MYO5A: variants seen among roughly 807,000 people sequenced by gnomAD.
MYO5A encodes myosin VA.
A neutral mutation model predicts 249.7 loss-of-function variants in MYO5A; 98 were observed. The ratio of observed to expected loss-of-function variants is 0.39; its 90% CI spans 0.33 to 0.46. The LOEUF (loss-of-function observed/expected upper bound fraction) is 0.46, where lower values mean the gene tolerates loss of function less well. Among genes scored for constraint, MYO5A ranks in the 20% least tolerant of loss-of-function variants. The probability of loss-of-function intolerance (pLI) is 0.98; values close to 1 mark genes in which losing one functional copy is unlikely to be tolerated. For missense variants in MYO5A, 1,696 were observed against 2,308.8 expected, an observed-to-expected ratio of 0.73 and a Z score of 5.44; for synonymous variants, 778 against 810.6, an observed-to-expected ratio of 0.96 and a Z score of 0.68.
chr15:52,501,377 A>T (rs533615623), intron 1 of MYO5A, among the ~76,000 whole-genome samples: 1 of 152,068 alleles, frequency 6.6e-6, no homozygotes, highest in Admixed American at 6.6e-5. Flanking sequence ...AGGAGGGAGG[A>T]TCGCTTGAGC....
chr15:52,519,907 T>C (rs1270842035), intron 1 of MYO5A, among the ~76,000 whole-genome samples: 1 of 152,070 alleles, frequency 6.6e-6, no homozygotes, highest in Non-Finnish European at 1.5e-5. Flanking sequence ...ATTTTTGTAT[T>C]TTTAGTAGAG....
intron 1 of MYO5A, among the ~76,000 whole-genome samples, chr15:52,480,469 C>T (rs2076692212): frequency 6.6e-6 from 1 of 152,212 alleles, no homozygotes; most frequent in South Asian, 2.1e-4. Context: ...AAAACTAGAG[C>T]TCCAAGAACA....
At chr15:52,450,550 T>C (rs2141370576) in intron 1 of MYO5A, among the ~76,000 whole-genome samples, 1 of 151,484 alleles carries the variant, frequency 6.6e-6, no homozygotes, top group Non-Finnish European at 1.5e-5. Context: ...ACGCCTGTAG[T>C]CCCAGCTACT....
At position 52,452,838 on chromosome 15, in the gene MYO5A, A is replaced by G. The variant is rs111755057; in HGVS notation, c.28-19553T>C. ...ACTCCAGCCTGAGCAACAAAGTGAG[A>G]CTCCATGTAAAAAAAAAAAAAAAAT... On this transcript the variant is annotated intron_variant, in intron 1 of 41. Transcript: ENST00000399233. Among the ~76,000 whole-genome samples, 1,337 of 147,368 alleles carry G rather than the reference A, an allele frequency of 9.1e-3. 17 individuals are homozygous for G. The highest frequency in any genetic ancestry group is 0.031 in the African/African-American group (1,273 of 40,522).
intron 1 of MYO5A, chr15:52,505,611 C>A: frequency 7.2e-7 from 1 of 1,390,784 alleles, no homozygotes; most frequent in Non-Finnish European, 1.0e-6. Flanking sequence ...CCAAGTCTTC[C>A]ATCTTATTAG....
intron 32 of MYO5A, among the ~76,000 whole-genome samples, chr15:52,338,142 A>G (rs2140981233): frequency 6.6e-6 from 1 of 150,688 alleles, no homozygotes; most frequent in South Asian, 2.1e-4. Flanking sequence ...GCAGGCCCAG[A>G]TAAGGCTGTC....
At position 52,336,576 on chromosome 15, in the gene MYO5A, A is replaced by C. The variant is rs777472875; in HGVS notation, c.4315-20T>G. On this transcript the variant is annotated intron_variant, in intron 33 of 41. Coordinates refer to ENST00000399233, the MANE Select transcript of MYO5A (RefSeq NM_001382347.1). ...CAAATCCTAAAGATCAAAAAGAGAA[A>C]TATATTAGAAAAATCGAAACAGGCC... 8 of 1,552,734 alleles carry C rather than the reference A, an allele frequency of 5.2e-6. No homozygotes were observed. In the African/African-American group the frequency reaches 1.1e-4, roughly 21 times the overall value.
chr15:52,320,771 T>C (rs1468184029), intron 38 of MYO5A, among the ~76,000 whole-genome samples: 1 of 152,186 alleles, frequency 6.6e-6, no homozygotes, highest in Non-Finnish European at 1.5e-5. Context: ...CCCAGCACTT[T>C]GGGAGGCCGA....
At position 52,451,199 on chromosome 15, in the gene MYO5A, G is replaced by C. The variant is rs1016409060; in HGVS notation, c.28-17914C>G. Reference sequence around the variant, plus strand: ...CATCTCAGACAGGCACCTCTACGCAGATAGTTGCTCCTGGGAAAAAAACTG... The same window carrying C: ...CATCTCAGACAGGCACCTCTACGCACATAGTTGCTCCTGGGAAAAAAACTG... On this transcript the variant is annotated intron_variant, in intron 1 of 41. Coordinates refer to ENST00000399233, the MANE Select transcript of MYO5A (RefSeq NM_001382347.1). Among the ~76,000 whole-genome samples the C allele has an allele frequency of 6.6e-5, 10 of 152,158 alleles. No individual in the cohort carries two copies. The South Asian group carries it at 1.2e-3, about 19-fold the overall frequency.
intron 1 of MYO5A, among the ~76,000 whole-genome samples, chr15:52,450,854 T>G (rs994543756): frequency 1.4e-5 from 2 of 146,862 alleles, no homozygotes; most frequent in Non-Finnish European, 1.5e-5. Context: ...TTTTTTTTTT[T>G]TTTTTTTTTT....
At chr15:52,426,091 A>C in intron 3 of MYO5A, 117 bp from the exon 4 acceptor site, 1 of 889,638 alleles carries the variant, frequency 1.1e-6, no homozygotes, top group Non-Finnish European at 1.7e-6. Context: ...AATTTAGTTA[A>C]TATTAAACCA....
chr15:52,470,979 C>G (rs1048731611), intron 1 of MYO5A, among the ~76,000 whole-genome samples: 1 of 150,030 alleles, frequency 6.7e-6, no homozygotes, highest in African/African-American at 2.5e-5. Context: ...GCCGAGATCA[C>G]GCCACTGCAT....
Position 52,327,844 on chromosome 15 carries a change from G to C in MYO5A, c.4710+8C>G, listed in dbSNP as rs774263488. 2 of 1,611,598 alleles carry C rather than the reference G, an allele frequency of 1.2e-6. No homozygotes were observed. The highest frequency in any genetic ancestry group is 2.2e-5 in the South Asian group (2 of 90,956). ...TCATGATGAGAATTTTGTTGAACAG[G>C]AACTGACCTTCAATACTTTTTTGAT... On this transcript the variant is annotated splice_region_variant and intron_variant, in intron 36 of 41. Transcript: ENST00000399233.
intron 1 of MYO5A, among the ~76,000 whole-genome samples, chr15:52,506,773 G>A (rs1378612856): frequency 4.0e-5 from 6 of 150,782 alleles, no homozygotes; most frequent in Non-Finnish European, 8.9e-5. Context: ...AGGGGGAGGT[G>A]GCAGTGAGCC....
chr15:52,309,207 G>A lies in MYO5A; in HGVS notation c.*4489C>T, dbSNP rs1016101024. On this transcript the variant is annotated 3_prime_UTR_variant, in exon 42 of 42. Coordinates refer to ENST00000399233, the MANE Select transcript of MYO5A (RefSeq NM_001382347.1). Reference sequence around the variant, plus strand: ...GCTTTTGCTGTTTCCTGTCTTTTTGGTTGAGACAACCTGCTACCAATTAAT... The same window carrying A: ...GCTTTTGCTGTTTCCTGTCTTTTTGATTGAGACAACCTGCTACCAATTAAT... 1 of 152,246 alleles carries A rather than the reference G, an allele frequency of 6.6e-6. No individual in the cohort carries two copies. The highest frequency in any genetic ancestry group is 1.5e-5 in the Non-Finnish European group (1 of 68,096). 9.4% of individuals were successfully genotyped at this position (152,246 alleles called of 1,614,324 possible).
intron 1 of MYO5A, among the ~76,000 whole-genome samples, chr15:52,446,954 T>A (rs188444226): frequency 6.6e-6 from 1 of 152,164 alleles, no homozygotes; most frequent in East Asian, 1.9e-4. Flanking sequence ...GGCTCAGAGG[T>A]GGAAGGAGAA....
chr15:52,383,244 G>A (rs2041834662), intron 15 of MYO5A, 56 bp from the exon 16 acceptor site: 2 of 1,402,270 alleles, frequency 1.4e-6, no homozygotes, highest in Admixed American at 3.4e-5. Flanking sequence ...TCAAAGGTGA[G>A]GTAAAACAAT....
rs369192466 is a variant in MYO5A, at chr15:52,410,354, C to T, written c.735G>A (p.Glu245=). Residue 245 remains glutamate (E), a synonymous_variant, in exon 6 of 42, where the codon GAG becomes GAA. Transcript: ENST00000399233. ...TTACCTGGAATACCACTCTGGATTT[C>T]TCTAAAAGATAAGTTCTCATATTGG... is the stretch of plus-strand genomic sequence containing the variant. ...IGANMRTYLL[E]KSRVVFQAEE... 84 of 1,613,784 alleles carry T rather than the reference C, an allele frequency of 5.2e-5. No homozygotes were observed. The highest frequency in any genetic ancestry group is 6.7e-5 in the Non-Finnish European group (79 of 1,179,860).
At chr15:52,331,907 T>A (rs1376912524) in intron 34 of MYO5A, 1 of 968,146 alleles carries the variant, frequency 1.0e-6, no homozygotes, top group Non-Finnish European at 1.2e-6. Flanking sequence ...GTTTTTCATA[T>A]GCATGATCCA....
Sources: gnomAD v4.1 joint callset for allele counts (sites outside exome capture counted in the v4.1 genomes callset) on GRCh38, gnomAD v4.1.1 for gene constraint, MANE v1.5 for transcripts, NCBI Gene and HGNC (gene_info 2026-07-23, HGNC 2026-07-21) for gene names.